ANO3: variants seen among roughly 807,000 people sequenced by gnomAD.
ANO3 encodes the protein anoctamin 3.
Under a neutral mutation model 144.8 loss-of-function variants are expected in ANO3, and 99 were observed. That is an observed-to-expected ratio of 0.68 (90% CI 0.58 to 0.81). The LOEUF (loss-of-function observed/expected upper bound fraction) is 0.81, where lower values mean the gene tolerates loss of function less well. Ranked by LOEUF, ANO3 falls within the 30% of genes least tolerant of loss-of-function variation. The pLI, the probability that ANO3 is intolerant of heterozygous loss-of-function variation, is 0.00. For synonymous variants in ANO3, 414 were observed against 392.6 expected, an observed-to-expected ratio of 1.05 and a Z score of -0.64; for missense variants, 905 against 1,202.2, an observed-to-expected ratio of 0.75 and a Z score of 3.66.
chr11:26,617,160 T>C (rs1157094531), intron 17 of ANO3, among the ~76,000 whole-genome samples: 1 of 152,226 alleles, frequency 6.6e-6, no homozygotes, highest in Non-Finnish European at 1.5e-5. Context: ...TTTTATATTA[T>C]TCCAGTTGCT....
chr11:26,345,297 G>A (rs983098061), intron 1 of ANO3, among the ~76,000 whole-genome samples: 6 of 152,176 alleles, frequency 3.9e-5, no homozygotes, highest in Non-Finnish European at 7.4e-5. Context: ...GCTTATGCCT[G>A]TAATCCCAGC....
At chr11:26,546,730 G>A (rs1456957843) in intron 11 of ANO3, among the ~76,000 whole-genome samples, 1 of 151,952 alleles carries the variant, frequency 6.6e-6, no homozygotes, top group Non-Finnish European at 1.5e-5. Context: ...GGAATTAAAC[G>A]CATTAACTCT....
intron 14 of ANO3, among the ~76,000 whole-genome samples, chr11:26,570,258 G>A (rs975077170): frequency 6.6e-6 from 1 of 152,068 alleles, no homozygotes; most frequent in Non-Finnish European, 1.5e-5. Context: ...GCACTGGAAA[G>A]TGGTTTCACA....
Position 26,537,398 on chromosome 11 carries a change from CT to C in ANO3, c.977-5del, listed in dbSNP as rs757669370. 1.9e-6 allele frequency: 3 copies of C among 1,609,630 alleles called. No homozygotes were observed. In the African/African-American group the frequency reaches 4.0e-5, roughly 22 times the overall value. On this transcript the variant is annotated splice_polypyrimidine_tract_variant and splice_region_variant and intron_variant, in intron 9 of 26. Coordinates refer to ENST00000256737, the MANE Select transcript of ANO3 (RefSeq NM_031418.4). The stretch of plus-strand genomic sequence containing the variant: ...AACTCAATAACTGTCCTTTTCTTCT[CT>C]TTGCAGGTATCCGTAAACTTATAAA...
intron 1 of ANO3, among the ~76,000 whole-genome samples, chr11:26,265,994 C>A (rs1348624855): frequency 5.3e-5 from 8 of 152,158 alleles, no homozygotes; most frequent in Admixed American, 5.2e-4. Context: ...CAGTGTCATC[C>A]CATCTTTACT....
chr11:26,550,564 C>T (rs11029608), intron 12 of ANO3, among the ~76,000 whole-genome samples: 7,972 of 151,924 alleles, frequency 0.052, 266 homozygotes, highest in Admixed American at 0.095. Flanking sequence ...GCATAATTTC[C>T]TCTAGGTTTA....
chr11:26,346,810 C>G (rs1855507958), intron 1 of ANO3, among the ~76,000 whole-genome samples: 1 of 152,196 alleles, frequency 6.6e-6, no homozygotes, highest in East Asian at 1.9e-4. Context: ...ATACAGCTCT[C>G]TGTTTGCCAA....
At chr11:26,297,501 T>A (rs1854121242) in intron 1 of ANO3, among the ~76,000 whole-genome samples, 1 of 152,176 alleles carries the variant, frequency 6.6e-6, no homozygotes, top group African/African-American at 2.4e-5. Flanking sequence ...TTAGCTAATG[T>A]AGACATTTCA....
At chr11:26,270,120 T>G (rs1244622430) in intron 1 of ANO3, among the ~76,000 whole-genome samples, 1 of 152,192 alleles carries the variant, frequency 6.6e-6, no homozygotes, top group Non-Finnish European at 1.5e-5. Flanking sequence ...ATTTTTAAGA[T>G]GTTCAGCTTT....
rs1859495082 is a variant in ANO3, at chr11:26,463,588, GATT to G, written c.432+444_432+446del. On this transcript the variant is annotated intron_variant, in intron 4 of 26. Coordinates refer to ENST00000256737, the MANE Select transcript of ANO3 (RefSeq NM_031418.4). ...ATGCTTCTGGTTGTCTGCTTGACAA[GATT>G]ATTGGAAGACAAAATGAGAAAACCA... 4.6e-5 allele frequency among the ~76,000 whole-genome samples: 7 copies of G among 151,928 alleles called. No individual in the cohort carries two copies. In the South Asian group the frequency reaches 1.4e-3, roughly 31 times the overall value.
intron 7 of ANO3, among the ~76,000 whole-genome samples, chr11:26,530,153 C>T (rs972164186): frequency 6.6e-6 from 1 of 152,150 alleles, no homozygotes; most frequent in Non-Finnish European, 1.5e-5. Context: ...TTGTTAATTA[C>T]CAAGTCTAGA....
At chr11:26,536,262 T>A (rs988632701) in intron 9 of ANO3, among the ~76,000 whole-genome samples, 3 of 149,484 alleles carry the variant, frequency 2.0e-5, no homozygotes, top group Non-Finnish European at 3.0e-5. Flanking sequence ...AAGGTTGCAG[T>A]GAGCCGAGAT....
chr11:26,345,215 C>T (rs892027387), intron 1 of ANO3, among the ~76,000 whole-genome samples: 20 of 152,064 alleles, frequency 1.3e-4, no homozygotes, highest in African/African-American at 4.8e-4. Flanking sequence ...ACAATCAAAG[C>T]ATTAAGGCTT....
At chr11:26,462,772 T>C (rs777271546) in intron 3 of ANO3, among the ~76,000 whole-genome samples, 1 of 151,906 alleles carries the variant, frequency 6.6e-6, no homozygotes, top group Non-Finnish European at 1.5e-5. Flanking sequence ...TTGAATAGCA[T>C]AGATGAATTT....
chr11:26,471,449 G>A (rs1346592060), intron 4 of ANO3, among the ~76,000 whole-genome samples: 1 of 151,922 alleles, frequency 6.6e-6, no homozygotes, highest in African/African-American at 2.4e-5. Context: ...AACAAAAGTA[G>A]TCAAATAATA....
At chr11:26,408,876 C>CA (rs1371443150) in intron 1 of ANO3, among the ~76,000 whole-genome samples, 3 of 148,846 alleles carry the variant, frequency 2.0e-5, no homozygotes, top group African/African-American at 4.9e-5. Context: ...ATCGCAAGGA[C>CA]AAAAAACCAA....
chr11:26,656,312 A>G, intron 25 of ANO3, 64 bp from the exon 26 acceptor site: 4 of 1,485,916 alleles, frequency 2.7e-6, no homozygotes, highest in Non-Finnish European at 2.8e-6. Context: ...TGGCAAATCA[A>G]GAAAATTTGG....
chr11:26,537,339 T>C (rs1255243818), intron 9 of ANO3, 67 bp from the exon 10 acceptor site: 7 of 1,254,962 alleles, frequency 5.6e-6, no homozygotes, highest in Non-Finnish European at 7.0e-6. Context: ...CCCGTATATT[T>C]CTGTTGCTTC....
At chr11:26,273,772 T>C (rs1278811005) in intron 1 of ANO3, among the ~76,000 whole-genome samples, 1 of 151,882 alleles carries the variant, frequency 6.6e-6, no homozygotes, top group African/African-American at 2.4e-5. Context: ...CGAAGATGAC[T>C]TGATGGAGAT....
Sources: gnomAD v4.1 joint callset for allele counts (sites outside exome capture counted in the v4.1 genomes callset) on GRCh38, gnomAD v4.1.1 for gene constraint, MANE v1.5 for transcripts, NCBI Gene and HGNC (gene_info 2026-07-23, HGNC 2026-07-21) for gene names.